Variants in DYNC1I1 observed in about 807,000 individuals in gnomAD.
The protein encoded by DYNC1I1 is cytoplasmic dynein 1 intermediate chain 1.
In DYNC1I1, 43 loss-of-function variants were observed where a neutral mutation model predicts 86.6. The ratio of observed to expected loss-of-function variants is 0.50; its 90% CI spans 0.39 to 0.64. The LOEUF (loss-of-function observed/expected upper bound fraction) is 0.64, where lower values mean the gene tolerates loss of function less well. Among genes scored for constraint, DYNC1I1 ranks in the 30% least tolerant of loss-of-function variants. The probability of loss-of-function intolerance (pLI) is 0.00; values close to 1 mark genes in which losing one functional copy is unlikely to be tolerated. For synonymous variants in DYNC1I1, 262 were observed against 283.7 expected, an observed-to-expected ratio of 0.92 and a Z score of 0.77; for missense variants, 604 against 788.8, an observed-to-expected ratio of 0.77 and a Z score of 2.81.
chr7:96,090,765 A>G (rs897326573), intron 16 of DYNC1I1, among the ~76,000 whole-genome samples: 3 of 152,240 alleles, frequency 2.0e-5, no homozygotes, highest in Non-Finnish European at 2.9e-5. Context: ...CTGTACAGAG[A>G]CTAATGTAAC....
At chr7:95,841,696 C>G (rs1789286460) in intron 5 of DYNC1I1, among the ~76,000 whole-genome samples, 1 of 152,080 alleles carries the variant, frequency 6.6e-6, no homozygotes, top group African/African-American at 2.4e-5. Flanking sequence ...TAGGAAGTGC[C>G]TACATACCCA....
intron 14 of DYNC1I1, among the ~76,000 whole-genome samples, chr7:96,043,328 G>T (rs1193010028): frequency 6.6e-6 from 1 of 152,010 alleles, no homozygotes; most frequent in Non-Finnish European, 1.5e-5. Context: ...CACCTTTGAA[G>T]TAGGCTTACA....
intron 14 of DYNC1I1, among the ~76,000 whole-genome samples, chr7:96,053,533 C>T (rs1007247461): frequency 6.6e-6 from 1 of 152,102 alleles, no homozygotes; most frequent in African/African-American, 2.4e-5. Context: ...TAATCCTCAC[C>T]CAAAACCCCA....
intron 7 of DYNC1I1, among the ~76,000 whole-genome samples, chr7:95,982,915 C>G (rs1793491565): frequency 6.6e-6 from 1 of 152,118 alleles, no homozygotes; most frequent in African/African-American, 2.4e-5. Context: ...AGAAAGCAGA[C>G]TAGTAAATTG....
At position 95,985,048 on chromosome 7, in the gene DYNC1I1, G is replaced by A. The variant is rs1584226081; in HGVS notation, c.743+71G>A. On this transcript the variant is annotated intron_variant, in intron 8 of 16. Coordinates refer to ENST00000447467, the MANE Select transcript of DYNC1I1 (RefSeq NM_001135556.2). ...GTTAATTCTAATTTATTTATGTTCT[G>A]ACTAGGAAAATTCCAAATTAAGAAA... 10 of 1,563,306 alleles carry A rather than the reference G, an allele frequency of 6.4e-6. No homozygotes were observed. The East Asian group carries it at 2.3e-4, about 36-fold the overall frequency.
At chr7:95,932,791 A>G (rs753980439) in intron 6 of DYNC1I1, among the ~76,000 whole-genome samples, 6 of 152,052 alleles carry the variant, frequency 3.9e-5, no homozygotes, top group Admixed American at 6.6e-5. Flanking sequence ...GAAATACCTG[A>G]TTTTTACAAC....
intron 6 of DYNC1I1, among the ~76,000 whole-genome samples, chr7:95,891,345 G>T (rs1790732493): frequency 6.6e-6 from 1 of 152,176 alleles, no homozygotes. Flanking sequence ...TAGCTATTTA[G>T]AAAATGTATT....
chr7:95,835,353 C>G (rs1215420547), intron 5 of DYNC1I1, among the ~76,000 whole-genome samples: 4 of 139,398 alleles, frequency 2.9e-5, no homozygotes, highest in African/African-American at 8.4e-5. Context: ...GTTATAATTT[C>G]TGTTCTTTTA....
intron 6 of DYNC1I1, among the ~76,000 whole-genome samples, chr7:95,874,647 GA>G (rs1790258262): frequency 7.4e-3 from 2 of 272 alleles, no homozygotes; most frequent in Non-Finnish European, 0.053. Flanking sequence ...AGAAAAAGAA[GA>G]GAGAGAGAGA....
intron 15 of DYNC1I1, among the ~76,000 whole-genome samples, chr7:96,079,015 T>TG (rs1790430773): frequency 6.7e-6 from 1 of 148,202 alleles, no homozygotes; most frequent in Admixed American, 7.0e-5. Context: ...CGGGGACTTT[T>TG]GGGGTTTTTT....
Position 95,829,237 on chromosome 7 carries a change from T to C in DYNC1I1, c.374+1121T>C, listed in dbSNP as rs552066098. Among the ~76,000 whole-genome samples the C allele has an allele frequency of 3.2e-4, 49 of 152,266 alleles. No homozygotes were observed. In the South Asian group the frequency reaches 9.7e-3, roughly 30 times the overall value. On this transcript the variant is annotated intron_variant, in intron 5 of 16. Coordinates refer to ENST00000447467, the MANE Select transcript of DYNC1I1 (RefSeq NM_001135556.2). ...TATAAAAGGAGGTTGAAGGGCTATT[T>C]GCATGTTAGGTTAAATGCCATCTGC...
intron 9 of DYNC1I1, among the ~76,000 whole-genome samples, chr7:95,989,253 C>A (rs1479097507): frequency 1.3e-5 from 2 of 152,150 alleles, no homozygotes; most frequent in Non-Finnish European, 2.9e-5. Flanking sequence ...GGGTGTAATT[C>A]CCCACAACTA....
rs189237838 is a variant in DYNC1I1, at chr7:96,064,586, G to C, written c.1510-11471G>C. ...AGGTTACATCTCAAGGTACCAAAGT[G>C]AGGGGAAAGGTTCTGAACCAAGGTA... On this transcript the variant is annotated intron_variant, in intron 14 of 16. Transcript: ENST00000447467. Among the ~76,000 whole-genome samples, 43 of 152,132 alleles carry C rather than the reference G, an allele frequency of 2.8e-4. No homozygotes were observed. The East Asian group carries it at 7.4e-3, about 26-fold the overall frequency.
intron 6 of DYNC1I1, among the ~76,000 whole-genome samples, chr7:95,943,321 A>G (rs559997955): frequency 0.08 from 11,776 of 146,630 alleles, 895 homozygotes; most frequent in African/African-American, 0.21. Context: ...TACAAGGGAC[A>G]TGAAGGACCT....
intron 6 of DYNC1I1, among the ~76,000 whole-genome samples, chr7:95,961,330 GC>G (rs1792861587): frequency 2.0e-5 from 3 of 152,258 alleles, no homozygotes; most frequent in African/African-American, 7.2e-5. Flanking sequence ...GATGGCAATG[GC>G]TCATCCATTC....
At chr7:96,030,635 C>T (rs1019784230) in intron 11 of DYNC1I1, among the ~76,000 whole-genome samples, 2 of 151,884 alleles carry the variant, frequency 1.3e-5, no homozygotes, top group Admixed American at 6.6e-5. Context: ...CAAAGAAGCC[C>T]CACTGGACTC....
chr7:95,788,486 A>C lies in DYNC1I1; in HGVS notation c.-10+15713A>C, dbSNP rs2619001. ...TGCACATGAAGCCAGAGTCCAGGGA[A>C]CATTTGTCACAGCTAGTGCTTCCAG... On this transcript the variant is annotated intron_variant, in intron 1 of 16. Coordinates refer to ENST00000447467, the MANE Select transcript of DYNC1I1 (RefSeq NM_001135556.2). Among the ~76,000 whole-genome samples the C allele has an allele frequency of 1.7e-3, 258 of 152,302 alleles. 2 individuals carry two copies. Among genetic ancestry groups the C allele is most frequent in the African/African-American group, 6.0e-3 (248 of 41,560 alleles).
chr7:95,866,030 G>A (rs540258533), intron 5 of DYNC1I1, among the ~76,000 whole-genome samples: 1 of 152,262 alleles, frequency 6.6e-6, no homozygotes, highest in African/African-American at 2.4e-5. Context: ...TCGGAACTGA[G>A]GAACCAGCAT....
intron 5 of DYNC1I1, among the ~76,000 whole-genome samples, chr7:95,834,805 A>C (rs1789028343): frequency 1.5e-5 from 2 of 137,926 alleles, no homozygotes; most frequent in African/African-American, 5.5e-5. Flanking sequence ...TTTCTGTGGG[A>C]TCGGTGGTGA....
Sources: gnomAD v4.1 joint callset for allele counts (sites outside exome capture counted in the v4.1 genomes callset) on GRCh38, gnomAD v4.1.1 for gene constraint, MANE v1.5 for transcripts, NCBI Gene and HGNC (gene_info 2026-07-23, HGNC 2026-07-21) for gene names.